Variants in GLIS3 observed in about 807,000 individuals in gnomAD.
GLIS3 encodes the protein GLIS family zinc finger 3.
Under a neutral mutation model 78.6 loss-of-function variants are expected in GLIS3, and 53 were observed. The observed-to-expected ratio is 0.67, with a 90% confidence interval of 0.54 to 0.85. GLIS3 has a LOEUF of 0.85. Among genes scored for constraint, GLIS3 ranks in the 40% least tolerant of loss-of-function variants. The pLI, the probability that GLIS3 is intolerant of heterozygous loss-of-function variation, is 0.00. For missense variants in GLIS3, 1,703 were observed against 1,231.1 expected (o/e 1.38, Z -5.74); for synonymous variants, 684 against 509.9 (o/e 1.34, Z -4.60).
chr9:4,158,888 A>G (rs1211982738), intron 2 of GLIS3, among the ~76,000 whole-genome samples: 1 of 152,310 alleles, frequency 6.6e-6, no homozygotes, highest in East Asian at 1.9e-4. Context: ...GGCCTATGGA[A>G]GAGGTAGCTC....
rs143977411 is a variant in GLIS3, at chr9:3,970,803, T to C, written c.1711-33614A>G. Among the ~76,000 whole-genome samples the C allele has an allele frequency of 1.1e-4, 16 of 152,176 alleles. No homozygotes were observed. The East Asian group carries it at 1.5e-3, about 15-fold the overall frequency. On this transcript the variant is annotated intron_variant, in intron 4 of 10. Coordinates refer to ENST00000381971, the MANE Select transcript of GLIS3 (RefSeq NM_001042413.2). ...AAATATCCTAGTGTGAAGCTGGCAA[T>C]TGAAGAGAGAAGGATGAGAAGATGA... is the stretch of plus-strand genomic sequence containing the variant.
chr9:4,189,964 C>A (rs1256383487), intron 2 of GLIS3, among the ~76,000 whole-genome samples: 1 of 152,078 alleles, frequency 6.6e-6, no homozygotes, highest in Non-Finnish European at 1.5e-5. Flanking sequence ...AGACCTGCAG[C>A]TGAGGGTCCT....
chr9:4,282,589 A>G (rs1456507602), intron 2 of GLIS3, among the ~76,000 whole-genome samples: 1 of 152,082 alleles, frequency 6.6e-6, no homozygotes, highest in African/African-American at 2.4e-5. Flanking sequence ...CAGGGACTAC[A>G]TCGTGGGTTC....
At chr9:4,483,486 A>AGGC in the GLIS3 span, among the ~76,000 whole-genome samples, 1 of 151,932 alleles carries the variant, frequency 6.6e-6, no homozygotes, top group Admixed American at 6.6e-5. Flanking sequence ...TTGGGAGGCC[A>AGGC]AGGTGGGCAG....
At chr9:4,314,398 C>T (rs1817408744) in intron 2 of GLIS3, among the ~76,000 whole-genome samples, 2 of 152,192 alleles carry the variant, frequency 1.3e-5, no homozygotes, top group African/African-American at 4.8e-5. Context: ...TGTTCAACTT[C>T]CCCACTCCAT....
chr9:4,390,092 A>G, the GLIS3 span, among the ~76,000 whole-genome samples: 1 of 152,256 alleles, frequency 6.6e-6, no homozygotes, highest in Non-Finnish European at 1.5e-5. Context: ...GAAAAGAGAG[A>G]CATTTGAGGT....
chr9:3,980,770 C>T (rs1819200369), intron 4 of GLIS3, among the ~76,000 whole-genome samples: 1 of 152,224 alleles, frequency 6.6e-6, no homozygotes, highest in Non-Finnish European at 1.5e-5. Context: ...CCAATTTCTA[C>T]ATCAGATCAC....
intron 2 of GLIS3, among the ~76,000 whole-genome samples, chr9:4,265,119 C>A (rs1303563042): frequency 6.6e-6 from 1 of 150,550 alleles, no homozygotes; most frequent in East Asian, 1.9e-4. Context: ...TTGCAGTGAG[C>A]CGAGATCACG....
At chr9:3,945,250 T>C (rs529297542) in intron 4 of GLIS3, among the ~76,000 whole-genome samples, 2 of 152,352 alleles carry the variant, frequency 1.3e-5, no homozygotes, top group East Asian at 3.9e-4. Context: ...ATAATCCATA[T>C]ACATGTATCT....
chr9:4,300,129 G>T (rs1318550166), upstream of GLIS3, among the ~76,000 whole-genome samples: 1 of 151,776 alleles, frequency 6.6e-6, no homozygotes, highest in Non-Finnish European at 1.5e-5. Flanking sequence ...GGAGGGGGAG[G>T]GGGAAGAGTG....
intron 2 of GLIS3, among the ~76,000 whole-genome samples, chr9:4,183,295 T>C (rs1046845940): frequency 4.6e-5 from 7 of 152,200 alleles, no homozygotes; most frequent in Admixed American, 6.5e-5. Flanking sequence ...TAAGAGTCCA[T>C]GGTTTTAAGG....
At chr9:4,142,996 G>T (rs959970203) in intron 2 of GLIS3, among the ~76,000 whole-genome samples, 8 of 151,930 alleles carry the variant, frequency 5.3e-5, no homozygotes, top group Admixed American at 4.6e-4. Flanking sequence ...TAGCTGTTGG[G>T]TACTAGTTAG....
chr9:4,023,891 C>T (rs370130460), intron 4 of GLIS3, among the ~76,000 whole-genome samples: 1 of 152,080 alleles, frequency 6.6e-6, no homozygotes, highest in African/African-American at 2.4e-5. Flanking sequence ...TTTGACTTTG[C>T]TGTGATCGGT....
intron 6 of GLIS3, among the ~76,000 whole-genome samples, chr9:3,923,681 A>C (rs981413635): frequency 2.6e-5 from 4 of 152,192 alleles, no homozygotes; most frequent in African/African-American, 9.7e-5. Flanking sequence ...AGAAAGTTTA[A>C]GATTACATGA....
upstream of GLIS3, among the ~76,000 whole-genome samples, chr9:4,301,125 T>TA: frequency 2.0e-5 from 3 of 152,226 alleles, no homozygotes; most frequent in Middle Eastern, 6.8e-3. Flanking sequence ...GGAATACTAC[T>TA]AGGCTTGGTC....
chr9:4,174,736 G>C (rs1169086643), intron 2 of GLIS3, among the ~76,000 whole-genome samples: 1 of 152,172 alleles, frequency 6.6e-6, no homozygotes, highest in Non-Finnish European at 1.5e-5. Context: ...CTTCATCTTG[G>C]AGATGTGTGC....
intron 4 of GLIS3, among the ~76,000 whole-genome samples, chr9:4,000,383 TC>T (rs1240953273): frequency 5.8e-4 from 89 of 152,232 alleles, no homozygotes; most frequent in African/African-American, 2.1e-3. Context: ...AGTAATGTCT[TC>T]TAAGGAGAGG....
intron 2 of GLIS3, among the ~76,000 whole-genome samples, chr9:4,205,632 G>A (rs2131280324): frequency 6.6e-6 from 1 of 152,264 alleles, no homozygotes; most frequent in Non-Finnish European, 1.5e-5. Flanking sequence ...ATGGATGTGG[G>A]GAGAATCCAG....
chr9:3,972,297 C>A (rs2130926382), intron 4 of GLIS3, among the ~76,000 whole-genome samples: 1 of 152,266 alleles, frequency 6.6e-6, no homozygotes, highest in East Asian at 1.9e-4. Flanking sequence ...CATCCCAGTT[C>A]TTTATTCCTC....
Sources: gnomAD v4.1 joint callset for allele counts (sites outside exome capture counted in the v4.1 genomes callset) on GRCh38, gnomAD v4.1.1 for gene constraint, MANE v1.5 for transcripts, NCBI Gene and HGNC (gene_info 2026-07-23, HGNC 2026-07-21) for gene names.